CTNNA2: variants seen among roughly 807,000 people sequenced by gnomAD.
CTNNA2 encodes catenin alpha 2.
In CTNNA2, 42 loss-of-function variants were observed where a neutral mutation model predicts 101.0. The observed-to-expected ratio is 0.42, with a 90% CI of 0.32 to 0.54. The LOEUF (loss-of-function observed/expected upper bound fraction) is 0.54. CTNNA2 is among the 20% of genes least tolerant of loss of function. The pLI is 0.14. For synonymous variants in CTNNA2, 450 were observed against 456.4 expected, an observed-to-expected ratio of 0.99 and a Z score of 0.18; for missense variants, 871 against 1,223.1, an observed-to-expected ratio of 0.71 and a Z score of 4.29.
chr2:79,197,684 A>G (rs906039035), intron 1 of CTNNA2, among the ~76,000 whole-genome samples: 15 of 152,200 alleles, frequency 9.9e-5, no homozygotes, highest in African/African-American at 3.6e-4. Context: ...TTATGTTACT[A>G]TTAATTTTTC....
chr2:80,504,572 A>G (rs1222618322), intron 9 of CTNNA2, among the ~76,000 whole-genome samples: 2 of 152,172 alleles, frequency 1.3e-5, no homozygotes, highest in East Asian at 1.9e-4. Flanking sequence ...TACAACATGA[A>G]TGAAGCCAGA....
At chr2:80,494,686 C>A (rs181976154) in intron 9 of CTNNA2, among the ~76,000 whole-genome samples, 1 of 133,392 alleles carries the variant, frequency 7.5e-6, no homozygotes, top group Non-Finnish European at 1.7e-5. Context: ...GACGAAGGGA[C>A]AGTTTAGCTC....
At chr2:80,352,337 T>A (rs1465944202) in intron 7 of CTNNA2, among the ~76,000 whole-genome samples, 2 of 152,304 alleles carry the variant, frequency 1.3e-5, no homozygotes, top group East Asian at 3.9e-4. Flanking sequence ...CCATTTTTTT[T>A]ATTGCCTGAG....
At chr2:80,248,406 G>A (rs1671501904) in intron 7 of CTNNA2, among the ~76,000 whole-genome samples, 1 of 152,202 alleles carries the variant, frequency 6.6e-6, no homozygotes, top group Non-Finnish European at 1.5e-5. Flanking sequence ...AGAGATTCCA[G>A]AGTTTTGACC....
intron 3 of CTNNA2, among the ~76,000 whole-genome samples, chr2:79,805,596 A>T (rs1190719622): frequency 6.6e-6 from 1 of 151,922 alleles, no homozygotes; most frequent in African/African-American, 2.4e-5. Flanking sequence ...TCAGAAGGTA[A>T]TTTTGGCTGT....
At chr2:80,219,110 A>T (rs1708431567) in intron 7 of CTNNA2, among the ~76,000 whole-genome samples, 1 of 152,226 alleles carries the variant, frequency 6.6e-6, no homozygotes, top group Admixed American at 6.5e-5. Context: ...AAAGAAAAAA[A>T]GCCAGGATTG....
intron 6 of CTNNA2, among the ~76,000 whole-genome samples, chr2:79,891,236 T>C (rs918605606): frequency 1.3e-5 from 2 of 152,136 alleles, no homozygotes; most frequent in Non-Finnish European, 2.9e-5. Flanking sequence ...TTTCTGTGCC[T>C]ACCAAAACTG....
chr2:80,401,361 A>G (rs1678532424), intron 8 of CTNNA2, among the ~76,000 whole-genome samples: 1 of 152,170 alleles, frequency 6.6e-6, no homozygotes, highest in African/African-American at 2.4e-5. Flanking sequence ...CTCAAGGGCT[A>G]AAAATGCTAG....
At chr2:80,418,575 G>A (rs889179204) in intron 8 of CTNNA2, among the ~76,000 whole-genome samples, 3 of 152,124 alleles carry the variant, frequency 2.0e-5, no homozygotes, top group African/African-American at 4.8e-5. Flanking sequence ...AATTTTCCTT[G>A]TTCTGACCAA....
At chr2:79,671,453 T>C (rs1194472990) in intron 2 of CTNNA2, among the ~76,000 whole-genome samples, 2 of 152,172 alleles carry the variant, frequency 1.3e-5, no homozygotes, top group African/African-American at 2.4e-5. Flanking sequence ...AAGAAGCTCT[T>C]ATCAATAAAG....
chr2:79,323,837 TTTC>T (rs1463027320), intron 3 of CTNNA2, among the ~76,000 whole-genome samples: 2 of 152,222 alleles, frequency 1.3e-5, no homozygotes, highest in Admixed American at 1.3e-4. Flanking sequence ...TTTGTTTTCT[TTTC>T]TTCTTCTTAC....
At chr2:79,450,809 G>A (rs923860495) in intron 4 of CTNNA2, among the ~76,000 whole-genome samples, 16 of 152,178 alleles carry the variant, frequency 1.1e-4, no homozygotes, top group Non-Finnish European at 1.8e-4. Context: ...TGAAATGAAT[G>A]TGAGTTATTC....
intron 7 of CTNNA2, among the ~76,000 whole-genome samples, chr2:80,186,706 G>T (rs1476956032): frequency 6.6e-6 from 1 of 152,120 alleles, no homozygotes; most frequent in Non-Finnish European, 1.5e-5. Flanking sequence ...TTGATGCCAA[G>T]CCCACTTCTT....
intron 7 of CTNNA2, among the ~76,000 whole-genome samples, chr2:80,044,560 G>T (rs17261391): frequency 0.012 from 1,872 of 152,102 alleles, 18 homozygotes; most frequent in Non-Finnish European, 0.02. Context: ...ACCACAATTA[G>T]CAAGCTCTGG....
chr2:80,132,044 G>A (rs192153788), intron 7 of CTNNA2, among the ~76,000 whole-genome samples: 12 of 152,208 alleles, frequency 7.9e-5, no homozygotes, highest in East Asian at 7.7e-4. Context: ...TCTTGCCATC[G>A]TACTCCAGCC....
At chr2:79,792,053 C>A (rs888161782) in intron 3 of CTNNA2, among the ~76,000 whole-genome samples, 1 of 152,160 alleles carries the variant, frequency 6.6e-6, no homozygotes, top group African/African-American at 2.4e-5. Context: ...CAAATACCAA[C>A]TAGTATAATT....
intron 3 of CTNNA2, among the ~76,000 whole-genome samples, chr2:79,807,210 G>A (rs1018172149): frequency 6.6e-6 from 1 of 151,818 alleles, no homozygotes; most frequent in African/African-American, 2.4e-5. Flanking sequence ...TTTTTCTTTT[G>A]TGTTACCTCC....
Position 80,630,829 on chromosome 2 carries a change from G to C in CTNNA2, c.2574+11601G>C, listed in dbSNP as rs372865223. On this transcript the variant is annotated intron_variant, in intron 18 of 18. Coordinates refer to ENST00000402739, the MANE Select transcript of CTNNA2 (RefSeq NM_001282597.3). The stretch of plus-strand genomic sequence containing the variant: ...TGTGTTTGTTAATATATATTATGAT[G>C]ATGAGTAACTCTGCCATGTTGAAAT... 3.3e-5 allele frequency among the ~76,000 whole-genome samples: 5 copies of C among 152,244 alleles called. No homozygotes were observed. The South Asian group carries it at 1.0e-3, about 32-fold the overall frequency.
chr2:79,976,009 T>C (rs893625363), intron 7 of CTNNA2, among the ~76,000 whole-genome samples: 1 of 152,126 alleles, frequency 6.6e-6, no homozygotes, highest in African/African-American at 2.4e-5. Flanking sequence ...CATGCCTTGG[T>C]CTTCTGGTGA....
Sources: allele counts gnomAD v4.1 joint callset (sites outside exome capture counted in the v4.1 genomes callset), GRCh38; gene constraint gnomAD v4.1.1; transcripts MANE v1.5; gene names NCBI Gene and HGNC (gene_info 2026-07-23, HGNC 2026-07-21).